The following CD44 variants were observed in gnomAD, a reference collection of about 807,000 sequenced individuals.
The protein encoded by CD44 is CD44 molecule (IN blood group).
CD44 carries 49 observed loss-of-function variants against 88.8 expected under a neutral mutation model. The observed-to-expected ratio is 0.55, with a 90% CI of 0.44 to 0.70. The LOEUF is 0.70. CD44 is among the 30% of genes least tolerant of loss of function. The pLI is 0.00. For synonymous variants in CD44, 325 were observed against 312.3 expected, an observed-to-expected ratio of 1.04 and a Z score of -0.43; for missense variants, 883 against 913.8, an observed-to-expected ratio of 0.97 and a Z score of 0.43.
At chr11:35,175,481 GATAC>G (rs1944354085) in intron 1 of CD44, among the ~76,000 whole-genome samples, 1 of 152,172 alleles carries the variant, frequency 6.6e-6, no homozygotes, top group African/African-American at 2.4e-5. Flanking sequence ...TGTGTATATA[GATAC>G]ATACTTTATG....
intron 17 of CD44, chr11:35,223,095 A>G (rs1273249024): frequency 1.1e-5 from 11 of 984,922 alleles, no homozygotes; most frequent in Non-Finnish European, 1.3e-5. Context: ...TGCTATCTAT[A>G]CCATTGAGGG....
Position 35,219,378 on chromosome 11 carries a change from C to G in CD44, c.1936C>G (p.Gln646Glu). 6.2e-7 allele frequency: 1 copy of G among 1,612,786 alleles called. No individual in the cohort carries two copies. The highest frequency in any genetic ancestry group is 2.2e-5 in the East Asian group (1 of 44,784). ...AACCTCTGGTCCTATAAGGACACCC[C>G]AAATTCCAGGTGAGTTTCAAACTTT... is the stretch of plus-strand genomic sequence containing the variant. ...NTTSGPIRTP[Q>E]IPEWLIILAS... Residue 646 changes from glutamine to glutamate, a missense_variant, in exon 16 of 18, where the codon CAA becomes GAA. By Grantham distance (29) the Gln-to-Glu change is conservative. Coordinates refer to ENST00000428726, the MANE Select transcript of CD44 (RefSeq NM_000610.4).
intron 17 of CD44, among the ~76,000 whole-genome samples, chr11:35,225,643 C>G (rs1949646121): frequency 6.6e-6 from 1 of 152,008 alleles, no homozygotes; most frequent in Non-Finnish European, 1.5e-5. Flanking sequence ...ATGGAGAAAC[C>G]CTACCTCTAC....
chr11:35,186,985 A>G, intron 4 of CD44, 85 bp downstream of exon 4: 1 of 848,916 alleles, frequency 1.2e-6, no homozygotes, highest in Non-Finnish European at 2.0e-6. Flanking sequence ...TTTGAATAGA[A>G]TATTAGGCCA....
chr11:35,167,158 G>A (rs1199616053), intron 1 of CD44, among the ~76,000 whole-genome samples: 1 of 152,208 alleles, frequency 6.6e-6, no homozygotes, highest in African/African-American at 2.4e-5. Flanking sequence ...TGGCTTTTTT[G>A]AGAGCAGCTT....
At chr11:35,216,212 C>T (rs988196408) in intron 15 of CD44, among the ~76,000 whole-genome samples, 3 of 152,012 alleles carry the variant, frequency 2.0e-5, no homozygotes, top group Non-Finnish European at 1.5e-5. Flanking sequence ...GATCACACCC[C>T]TACAAACCTT....
chr11:35,217,748 T>A (rs192486503), intron 15 of CD44, among the ~76,000 whole-genome samples: 6 of 152,266 alleles, frequency 3.9e-5, no homozygotes, highest in Admixed American at 2.0e-4. Context: ...ACCCCACCAT[T>A]TTCATCCATT....
Position 35,173,521 on chromosome 11 carries a change from A to T in CD44, c.68-3054A>T, listed in dbSNP as rs564926055. ...TTGAAAAAGAGTGAACTGCAAAAAC[A>T]CATTTTCTCCATTTCACCTAGTTGT... On this transcript the variant is annotated intron_variant, in intron 1 of 17. Transcript: ENST00000428726. 5.3e-5 allele frequency among the ~76,000 whole-genome samples: 8 copies of T among 152,302 alleles called. No homozygotes were observed. In the East Asian group the frequency reaches 1.5e-3, roughly 29 times the overall value.
chr11:35,181,653 C>T (rs975599805), intron 3 of CD44, among the ~76,000 whole-genome samples: 24 of 133,614 alleles, frequency 1.8e-4, no homozygotes, highest in African/African-American at 7.0e-4. Flanking sequence ...GAGACAAACA[C>T]AGATATATAC....
chr11:35,164,336 C>T (rs1410511593), intron 1 of CD44, among the ~76,000 whole-genome samples: 1 of 152,196 alleles, frequency 6.6e-6, no homozygotes, highest in Non-Finnish European at 1.5e-5. Flanking sequence ...CTTGTTGCAT[C>T]TGTGAAATGG....
chr11:35,192,790 CTTT>C (rs35505196), intron 5 of CD44, among the ~76,000 whole-genome samples: 121 of 109,546 alleles, frequency 1.1e-3, no homozygotes, highest in Middle Eastern at 4.7e-3. Context: ...GGAATTCTTT[CTTT>C]TTTTTTTTTT....
intron 1 of CD44, among the ~76,000 whole-genome samples, chr11:35,151,377 T>C (rs1295001187): frequency 1.3e-5 from 2 of 152,184 alleles, no homozygotes; most frequent in African/African-American, 4.8e-5. Flanking sequence ...CAGACAGTGC[T>C]AGACAGAGTT....
intron 5 of CD44, among the ~76,000 whole-genome samples, chr11:35,195,622 G>A (rs994754076): frequency 6.6e-6 from 1 of 151,850 alleles, no homozygotes; most frequent in Non-Finnish European, 1.5e-5. Context: ...GATGGTTTCA[G>A]CCTCTCTGCT....
At chr11:35,211,592 T>C (rs1247103551) in intron 14 of CD44, 143 bp downstream of exon 14, 1 of 635,864 alleles carries the variant, frequency 1.6e-6, no homozygotes, top group East Asian at 2.8e-5. Context: ...GGTTATCAAT[T>C]CTAGTGCAAA....
chr11:35,160,384 T>A (rs1483307015), intron 1 of CD44, among the ~76,000 whole-genome samples: 1 of 152,246 alleles, frequency 6.6e-6, no homozygotes, highest in Non-Finnish European at 1.5e-5. Flanking sequence ...AGGATGCTGG[T>A]AACACTTTCT....
chr11:35,205,217 A>G (rs969531553), intron 10 of CD44, among the ~76,000 whole-genome samples: 2 of 152,216 alleles, frequency 1.3e-5, no homozygotes, highest in Non-Finnish European at 2.9e-5. Context: ...CAGTCTTATC[A>G]TCATCTCTAA....
At chr11:35,199,345 T>C (rs2134013277) in intron 7 of CD44, among the ~76,000 whole-genome samples, 1 of 152,358 alleles carries the variant, frequency 6.6e-6, no homozygotes, top group South Asian at 2.1e-4. Context: ...TCTGCCAGAT[T>C]ACTGAGTTTT....
intron 1 of CD44, among the ~76,000 whole-genome samples, chr11:35,142,809 G>A (rs1318920392): frequency 2.0e-5 from 3 of 152,158 alleles, no homozygotes; most frequent in East Asian, 3.9e-4. Flanking sequence ...GAAATTCTTA[G>A]TTCATGACAG....
chr11:35,220,870 G>A (rs781175677), intron 16 of CD44, among the ~76,000 whole-genome samples: 54 of 149,244 alleles, frequency 3.6e-4, no homozygotes, highest in Non-Finnish European at 5.9e-4. Flanking sequence ...GAGTTCAAGC[G>A]ATTCTCCTGC....
Sources: allele counts gnomAD v4.1 joint callset (sites outside exome capture counted in the v4.1 genomes callset), GRCh38; gene constraint gnomAD v4.1.1; transcripts MANE v1.5; gene names NCBI Gene and HGNC (gene_info 2026-07-23, HGNC 2026-07-21).